Variants in ZNF407 observed in about 807,000 individuals in gnomAD.
ZNF407 encodes zinc finger protein 407.
In ZNF407, 17 loss-of-function variants were observed where a neutral mutation model predicts 131.2. The observed-to-expected ratio is 0.13, with a 90% confidence interval of 0.09 to 0.19. The LOEUF (loss-of-function observed/expected upper bound fraction) is 0.19. Ranked by LOEUF, ZNF407 falls within the 10% of genes least tolerant of loss-of-function variation. The pLI is 1.00. For synonymous variants in ZNF407, 1,156 were observed against 1,062.0 expected, an observed-to-expected ratio of 1.09 and a Z score of -1.72; for missense variants, 2,681 against 2,830.6, an observed-to-expected ratio of 0.95 and a Z score of 1.20.
rs1686335036 is a variant in ZNF407, at chr18:74,617,071, CCA to C, written c.-53-13889_-53-13888del. Among the ~76,000 whole-genome samples, 6 of 104,162 alleles carry C rather than the reference CCA, an allele frequency of 5.8e-5. 1 individual carries two copies. Among genetic ancestry groups the C allele is most frequent in the African/African-American group, 1.2e-4 (3 of 25,986 alleles). The allele number at this position is 104,162 out of a possible 152,430, so 68.3% of individuals were successfully genotyped here. On this transcript the variant is annotated intron_variant, in intron 1 of 8. Coordinates refer to ENST00000299687, the MANE Select transcript of ZNF407 (RefSeq NM_017757.3). ...CATCCATATCCACACACATCCATAT[CCA>C]CACACATCCATATCCATGCACCAAC...
Position 74,778,958 on chromosome 18 carries a change from A to G in ZNF407, c.4803-2470A>G, listed in dbSNP as rs566744043. Among the ~76,000 whole-genome samples the G allele has an allele frequency of 7.9e-5, 12 of 151,558 alleles. No homozygotes were observed. The South Asian group carries it at 2.5e-3, about 32-fold the overall frequency. On this transcript the variant is annotated intron_variant, in intron 3 of 8. Transcript: ENST00000299687. ...TGTAGATTATGTATATATATTTTTAAAAGTTATGTTAAAAATGTTAAAACA... is the reference window on the plus strand; with the variant it reads ...TGTAGATTATGTATATATATTTTTAGAAGTTATGTTAAAAATGTTAAAACA...
At chr18:74,708,070 A>G (rs558349543) in intron 3 of ZNF407, among the ~76,000 whole-genome samples, 2 of 152,312 alleles carry the variant, frequency 1.3e-5, no homozygotes, top group South Asian at 4.1e-4. Context: ...ATTGTGCATG[A>G]TGTCATCTAA....
chr18:74,659,092 G>C (rs967828565), intron 3 of ZNF407, among the ~76,000 whole-genome samples: 9 of 152,184 alleles, frequency 5.9e-5, no homozygotes, highest in Non-Finnish European at 8.8e-5. Flanking sequence ...TTTTGAAATA[G>C]ATGAACTACA....
At position 75,065,131 on chromosome 18, in the gene ZNF407, A is replaced by G. The variant is rs1285003350; in HGVS notation, c.*663A>G. 1 of 152,554 alleles carries G rather than the reference A, an allele frequency of 6.6e-6. No individual in the cohort carries two copies. The highest frequency in any genetic ancestry group is 1.5e-5 in the Non-Finnish European group (1 of 68,040). The allele number at this position is 152,554 out of a possible 1,614,324, so 9.5% of individuals were successfully genotyped here. A position where few individuals can be genotyped will look rare whatever the true frequency, so the allele number is the denominator to read the frequency against. ...TGTTGCTCTGGTCACATTCTGCATA[A>G]AAGAAATCCTCTTAAGCCTATGGTT... On this transcript the variant is annotated 3_prime_UTR_variant, in exon 9 of 9. Transcript: ENST00000299687.
intron 4 of ZNF407, among the ~76,000 whole-genome samples, chr18:74,822,055 G>T (rs1970348227): frequency 6.6e-6 from 1 of 152,114 alleles, no homozygotes; most frequent in African/African-American, 2.4e-5. Context: ...ATGTTTGTTG[G>T]CTGCATAAAT....
chr18:74,652,516 CCCCATGCTGAGAACT>C (rs1985273048), intron 3 of ZNF407, among the ~76,000 whole-genome samples: 1 of 151,834 alleles, frequency 6.6e-6, no homozygotes, highest in Non-Finnish European at 1.5e-5. Context: ...TATATTTTCC[CCCCATGCTGAGAACT>C]TAAACTAAGG....
chr18:74,639,841 C>G (rs1379031496), intron 2 of ZNF407, among the ~76,000 whole-genome samples: 2 of 150,994 alleles, frequency 1.3e-5, no homozygotes, highest in Non-Finnish European at 3.0e-5. Flanking sequence ...AAATTTTTTA[C>G]TGAGTGCTTC....
intron 3 of ZNF407, among the ~76,000 whole-genome samples, chr18:74,762,021 T>C (rs2144975178): frequency 6.6e-6 from 1 of 152,238 alleles, no homozygotes; most frequent in South Asian, 2.1e-4. Context: ...ATGGAAGTTA[T>C]TTATATAGTC....
At chr18:75,013,851 T>C (rs1364668622) in intron 8 of ZNF407, among the ~76,000 whole-genome samples, 1 of 152,140 alleles carries the variant, frequency 6.6e-6, no homozygotes, top group Non-Finnish European at 1.5e-5. Flanking sequence ...ATTTGCCTTC[T>C]AGAATTACAA....
At chr18:75,045,242 C>A (rs148738727) in intron 8 of ZNF407, among the ~76,000 whole-genome samples, 1 of 152,078 alleles carries the variant, frequency 6.6e-6, no homozygotes, top group East Asian at 1.9e-4. Flanking sequence ...TATAATATAA[C>A]TGGAGATGAA....
chr18:74,849,512 A>G (rs558051940), intron 4 of ZNF407, among the ~76,000 whole-genome samples: 53 of 152,246 alleles, frequency 3.5e-4, no homozygotes, highest in African/African-American at 1.3e-3. Context: ...TAGATGAGAA[A>G]GTGTGTGGTC....
chr18:75,001,211 C>T (rs1196089736), intron 8 of ZNF407, among the ~76,000 whole-genome samples: 7 of 151,898 alleles, frequency 4.6e-5, no homozygotes, highest in Admixed American at 2.0e-4. Context: ...TTTGAAGTGC[C>T]GACTGTAACA....
Position 75,064,260 on chromosome 18 carries a change from A to C in ZNF407, c.6539A>C (p.Gln2180Pro), listed in dbSNP as rs771417206. 1 of 1,605,460 alleles carries C rather than the reference A, an allele frequency of 6.2e-7. No individual in the cohort carries two copies. Among genetic ancestry groups the C allele is most frequent in the Admixed American group, 1.7e-5 (1 of 59,664 alleles). Residue 2180 changes from glutamine (Q) to proline (P), a missense_variant, in exon 9 of 9, where the codon CAG becomes CCG. Physicochemically the swap from Gln to Pro is moderately conservative, Grantham distance 76 (BLOSUM62 -1). Coordinates refer to ENST00000299687, the MANE Select transcript of ZNF407 (RefSeq NM_017757.3). ...YILTELPPGV[Q>P]DEPGLYSHTV... ...CTGACAGAGCTGCCCCCAGGGGTGC[A>C]GGACGAGCCGGGCCTGTACTCCCAC...
At chr18:74,827,581 T>C (rs1157958171) in intron 4 of ZNF407, among the ~76,000 whole-genome samples, 1 of 152,190 alleles carries the variant, frequency 6.6e-6, no homozygotes, top group East Asian at 1.9e-4. Flanking sequence ...AGCACTTCTT[T>C]CTTTGCTGAA....
chr18:74,800,267 A>G lies in ZNF407; in HGVS notation c.4877+18765A>G, dbSNP rs139665719. Among the ~76,000 whole-genome samples the G allele has an allele frequency of 2.0e-5, 3 of 152,090 alleles. No individual in the cohort carries two copies. In the East Asian group the frequency reaches 5.8e-4, roughly 29 times the overall value. ...TGTAATTCTTGGTCTTAATGCTTCTATTGTAGTTTTGTTATTCTTATGCTA... is the reference window on the plus strand; with the variant it reads ...TGTAATTCTTGGTCTTAATGCTTCTGTTGTAGTTTTGTTATTCTTATGCTA... On this transcript the variant is annotated intron_variant, in intron 4 of 8. Transcript: ENST00000299687.
At chr18:74,885,537 A>G (rs1299423954) in intron 6 of ZNF407, among the ~76,000 whole-genome samples, 1 of 152,218 alleles carries the variant, frequency 6.6e-6, no homozygotes, top group Admixed American at 6.5e-5. Context: ...ACCAACATTG[A>G]GAAAGAATAG....
intron 7 of ZNF407, among the ~76,000 whole-genome samples, chr18:74,902,947 G>A (rs1971549014): frequency 6.6e-6 from 1 of 152,152 alleles, no homozygotes; most frequent in Non-Finnish European, 1.5e-5. Flanking sequence ...TCACCCACCA[G>A]TGCCTGCAGT....
intron 3 of ZNF407, among the ~76,000 whole-genome samples, chr18:74,652,681 A>C (rs2144713196): frequency 6.6e-6 from 1 of 152,132 alleles, no homozygotes; most frequent in South Asian, 2.1e-4. Flanking sequence ...CATTAGTTTC[A>C]TATTACAACT....
intron 8 of ZNF407, among the ~76,000 whole-genome samples, chr18:75,007,631 A>G (rs976391033): frequency 3.9e-5 from 6 of 152,192 alleles, no homozygotes; most frequent in Non-Finnish European, 5.9e-5. Context: ...TTTCATTTCT[A>G]TGGTCTCTAA....
Sources: allele counts gnomAD v4.1 joint callset (sites outside exome capture counted in the v4.1 genomes callset), GRCh38; gene constraint gnomAD v4.1.1; transcripts MANE v1.5; gene names NCBI Gene and HGNC (gene_info 2026-07-23, HGNC 2026-07-21).